Variants in RAD23B observed in about 807,000 individuals in gnomAD.
RAD23B encodes the protein lysine-specific demethylase RAD23B.
Under a neutral mutation model 49.1 loss-of-function variants are expected in RAD23B, and 5 were observed. That is an observed-to-expected ratio of 0.10 (90% confidence interval 0.05 to 0.21). RAD23B has a LOEUF of 0.21. Among genes scored for constraint, RAD23B ranks in the 10% least tolerant of loss-of-function variants. The pLI is 1.00. For synonymous variants in RAD23B, 184 were observed against 165.4 expected (o/e 1.11, Z -0.86); for missense variants, 356 against 486.7 (o/e 0.73, Z 2.53).
intron 4 of RAD23B, 44 bp downstream of exon 4, chr9:107,306,691 T>A: frequency 6.4e-7 from 1 of 1,561,328 alleles, no homozygotes; most frequent in Non-Finnish European, 8.7e-7. Flanking sequence ...AATCCGTGTT[T>A]AACAGGAACT....
At chr9:107,322,190 A>G in intron 7 of RAD23B, 72 bp downstream of exon 7, 1 of 1,452,586 alleles carries the variant, frequency 6.9e-7, no homozygotes, top group African/African-American at 1.4e-5. Context: ...AACCTGAAAT[A>G]CTTCAGAAAT....
At chr9:107,288,863 A>C (rs1833326599) in intron 1 of RAD23B, among the ~76,000 whole-genome samples, 1 of 152,176 alleles carries the variant, frequency 6.6e-6, no homozygotes, top group Non-Finnish European at 1.5e-5. Context: ...AAAAGCCTGC[A>C]TTGCTAAGGT....
chr9:107,284,873 T>C (rs1164554455), intron 1 of RAD23B: 4 of 1,249,764 alleles, frequency 3.2e-6, no homozygotes, highest in Non-Finnish European at 4.3e-6. Context: ...CTCTGTATAA[T>C]AGGGATAATA....
intron 4 of RAD23B, among the ~76,000 whole-genome samples, chr9:107,310,087 T>G (rs1826863252): frequency 1.3e-5 from 2 of 152,158 alleles, no homozygotes; most frequent in Admixed American, 1.3e-4. Context: ...CAACAATAGC[T>G]TTGAAATAGA....
chr9:107,300,310 A>G (rs11573660), intron 2 of RAD23B, 88 bp downstream of exon 2: 53,422 of 1,350,634 alleles, frequency 0.04, 1,373 homozygotes, highest in Middle Eastern at 0.048. Flanking sequence ...AGTATATTCA[A>G]ATTGTCAGAA....
In RAD23B at chr9:107,318,737, A is replaced by G. The variant is rs1805335; in HGVS notation, c.554-15A>G. On this transcript the variant is annotated splice_polypyrimidine_tract_variant and intron_variant, in intron 5 of 9. Coordinates refer to ENST00000358015, the MANE Select transcript of RAD23B (RefSeq NM_002874.5). This position sits in a 1 kb window ranked among gnomAD's most constrained non-coding sequence, Gnocchi z 4.3. ...TTAAATGTTCCTTTTTTTCCCCTCC[A>G]CCCTCCCTTTTTAGTGACGGGTCAG... 872,453 of 1,598,816 alleles carry G rather than the reference A, an allele frequency of 0.55. 239,997 individuals carry two copies. Among genetic ancestry groups the G allele is most frequent in the East Asian group, 0.72 (32,256 of 44,610 alleles).
chr9:107,315,736 A>C (rs1022663131), intron 5 of RAD23B, among the ~76,000 whole-genome samples: 1 of 149,070 alleles, frequency 6.7e-6, no homozygotes, highest in African/African-American at 2.5e-5. Flanking sequence ...CTGGTCTCGA[A>C]CTCCTGATCT....
chr9:107,290,884 G>T lies in RAD23B; in HGVS notation c.66+7189G>T, dbSNP rs139957403. Among the ~76,000 whole-genome samples the T allele has an allele frequency of 6.1e-4, 93 of 152,288 alleles. No individual in the cohort carries two copies. In the East Asian group the frequency reaches 0.012, roughly 20 times the overall value. ...ACAAGGTCCTGCCGCGATAGATGCC[G>T]TATAGGATTCCAGTTAATTTCTGAA... On this transcript the variant is annotated intron_variant, in intron 1 of 9. Transcript: ENST00000358015.
At chr9:107,289,469 A>G (rs1310873817) in intron 1 of RAD23B, among the ~76,000 whole-genome samples, 3 of 152,230 alleles carry the variant, frequency 2.0e-5, no homozygotes, top group African/African-American at 7.2e-5. Flanking sequence ...GACAGGCATG[A>G]GCCAGCACAC....
chr9:107,300,363 A>G, intron 2 of RAD23B, 141 bp downstream of exon 2: 1 of 982,722 alleles, frequency 1.0e-6, no homozygotes, highest in Non-Finnish European at 1.4e-6. Context: ...CAGTCATTTG[A>G]ATCTAATATT....
intron 8 of RAD23B, 86 bp downstream of exon 8, chr9:107,324,103 T>C: frequency 7.3e-7 from 1 of 1,362,632 alleles, no homozygotes; most frequent in Admixed American, 1.8e-5. Context: ...CCTCCTCAAA[T>C]ACAACTCTGT....
At chr9:107,319,654 A>T (rs920060168) in intron 6 of RAD23B, among the ~76,000 whole-genome samples, 1 of 152,170 alleles carries the variant, frequency 6.6e-6, no homozygotes, top group Non-Finnish European at 1.5e-5. Context: ...TACCAACGTA[A>T]CATCATGCAT....
intron 2 of RAD23B, among the ~76,000 whole-genome samples, chr9:107,301,192 A>G (rs1826644136): frequency 6.6e-6 from 1 of 152,222 alleles, no homozygotes; most frequent in African/African-American, 2.4e-5. Context: ...GTTCTGTAGC[A>G]TCTTGCCCTT....
intron 5 of RAD23B, among the ~76,000 whole-genome samples, chr9:107,313,399 G>A (rs942761291): frequency 1.4e-4 from 21 of 152,072 alleles, no homozygotes; most frequent in African/African-American, 5.1e-4. Context: ...CTAATTTTGT[G>A]TATTTTTAGT....
chr9:107,299,997 A>T, intron 1 of RAD23B, 144 bp from the exon 2 acceptor site: 1 of 1,071,770 alleles, frequency 9.3e-7, no homozygotes, highest in Non-Finnish European at 1.3e-6. Context: ...CTTTTTTGAT[A>T]TAAATTGGAA....
At chr9:107,316,955 TG>T (rs1237137695) in intron 5 of RAD23B, among the ~76,000 whole-genome samples, 1 of 152,138 alleles carries the variant, frequency 6.6e-6, no homozygotes, top group East Asian at 1.9e-4. Context: ...CCATCTAAGA[TG>T]GCTGGTGTTG....
chr9:107,322,530 T>C (rs1827130773), intron 7 of RAD23B, among the ~76,000 whole-genome samples: 1 of 152,220 alleles, frequency 6.6e-6, no homozygotes, highest in South Asian at 2.1e-4. Flanking sequence ...AATGAAACCG[T>C]GAGAGGTTTA....
intron 3 of RAD23B, among the ~76,000 whole-genome samples, chr9:107,302,474 A>T (rs1826674613): frequency 1.3e-5 from 2 of 152,150 alleles, no homozygotes; most frequent in African/African-American, 2.4e-5. Flanking sequence ...AGCTTGCCTT[A>T]AATAGACCTG....
chr9:107,305,719 T>G (rs1318470952), intron 3 of RAD23B, among the ~76,000 whole-genome samples: 2 of 152,158 alleles, frequency 1.3e-5, no homozygotes, highest in African/African-American at 2.4e-5. Context: ...TCTGTTGATT[T>G]GTAGTCAATT....
Sources: allele counts gnomAD v4.1 joint callset (sites outside exome capture counted in the v4.1 genomes callset), GRCh38; gene constraint gnomAD v4.1.1; non-coding constraint Gnocchi (gnomAD v3.1); transcripts MANE v1.5; gene names NCBI Gene and HGNC (gene_info 2026-07-23, HGNC 2026-07-21).